CACNA1B: variants seen among roughly 807,000 people sequenced by gnomAD.
The protein encoded by CACNA1B is calcium voltage-gated channel subunit alpha1 B, also known as voltage-dependent N-type calcium channel subunit alpha-1B.
A neutral mutation model predicts 247.2 loss-of-function variants in CACNA1B; 70 were observed. The observed-to-expected ratio is 0.28, with a 90% CI of 0.23 to 0.35. The LOEUF (loss-of-function observed/expected upper bound fraction) is 0.35, where lower values mean the gene tolerates loss of function less well. Ranked by LOEUF, CACNA1B falls within the 10% of genes least tolerant of loss-of-function variation. The pLI is 1.00. For missense variants in CACNA1B, 2,367 were observed against 3,197.4 expected (o/e 0.74, Z 6.26); for synonymous variants, 1,231 against 1,294.4 (o/e 0.95, Z 1.05).
intron 6 of CACNA1B, among the ~76,000 whole-genome samples, chr9:137,942,728 G>C (rs1429035827): frequency 2.0e-5 from 3 of 152,192 alleles, no homozygotes; most frequent in East Asian, 1.9e-4. Flanking sequence ...ATGGAAAACC[G>C]AACGTCGTAT....
intron 3 of CACNA1B, among the ~76,000 whole-genome samples, chr9:137,910,028 C>G (rs1957343243): frequency 6.6e-6 from 1 of 152,144 alleles, no homozygotes; most frequent in South Asian, 2.1e-4. Flanking sequence ...GCTTCGGCCT[C>G]CCAAAGTGTT....
At chr9:137,960,760 G>A (rs1226760958) in intron 10 of CACNA1B, among the ~76,000 whole-genome samples, 3 of 152,042 alleles carry the variant, frequency 2.0e-5, no homozygotes, top group Non-Finnish European at 2.9e-5. Flanking sequence ...ACCCCAGGCC[G>A]CCCTGGTGGT....
intron 20 of CACNA1B, among the ~76,000 whole-genome samples, chr9:138,036,675 G>A (rs1959051244): frequency 6.6e-6 from 1 of 152,164 alleles, no homozygotes. Context: ...CTTCTCTCTG[G>A]GGCTGCTTAA....
intron 37 of CACNA1B, among the ~76,000 whole-genome samples, chr9:138,098,095 TAC>T (rs1156559021): frequency 1.3e-5 from 2 of 152,220 alleles, no homozygotes; most frequent in Non-Finnish European, 2.9e-5. Context: ...GTCGGAAATA[TAC>T]AGTTTTTACG....
intron 31 of CACNA1B, among the ~76,000 whole-genome samples, chr9:138,069,002 G>A (rs1960029612): frequency 6.6e-6 from 1 of 152,220 alleles, no homozygotes; most frequent in Non-Finnish European, 1.5e-5. Flanking sequence ...CTCCTTGGCA[G>A]CCCCTGCCAA....
intron 15 of CACNA1B, among the ~76,000 whole-genome samples, chr9:138,002,792 TTTTTCTTTTC>T (rs923495550): frequency 3.4e-5 from 5 of 147,930 alleles, no homozygotes; most frequent in Non-Finnish European, 6.0e-5. Context: ...TTTCTTTTCT[TTTTTCTTTTC>T]TTTTCTTTTC....
rs530514938 is a variant in CACNA1B at position 137,914,374 on chromosome 9, C to G, written c.623-280C>G. On this transcript the variant is annotated intron_variant, in intron 4 of 46. Transcript: ENST00000371372. The surrounding 1 kb of genome is among the most constrained non-coding windows in gnomAD (Gnocchi z 4.3). ...ACCCCAGACTTCATACCCTGACACC[C>G]CCACATCCCACTCCTCTGCCTACTT... 1.3e-5 allele frequency among the ~76,000 whole-genome samples: 2 copies of G among 152,142 alleles called. No individual in the cohort carries two copies. Among genetic ancestry groups the G allele is most frequent in the African/African-American group, 4.8e-5 (2 of 41,430 alleles).
rs757342108 is a variant in CACNA1B at position 138,006,932 on chromosome 9, C to T, written c.2092+48C>T. 7.1e-6 allele frequency: 7 copies of T among 980,026 alleles called. No homozygotes were observed. The South Asian group carries it at 9.4e-5, about 13-fold the overall frequency. 60.7% of individuals were successfully genotyped at this position (980,026 alleles called of 1,614,324 possible). A position where few individuals can be genotyped will look rare whatever the true frequency, so the allele number is the denominator to read the frequency against. ...CAGAGGGTGGTCAGTGCTTGGCCCT[C>T]CTCTTCTCCATGGCCACCACGCGGA... On this transcript the variant is annotated intron_variant, in intron 16 of 46. Transcript: ENST00000371372.
chr9:138,092,352 C>T (rs1960907011), intron 36 of CACNA1B, among the ~76,000 whole-genome samples: 1 of 152,212 alleles, frequency 6.6e-6, no homozygotes, highest in East Asian at 1.9e-4. Flanking sequence ...CCTGGGAATG[C>T]ATTCCTTTCC....
At chr9:138,060,353 G>A (rs1035673503) in intron 31 of CACNA1B, among the ~76,000 whole-genome samples, 5 of 152,160 alleles carry the variant, frequency 3.3e-5, no homozygotes, top group African/African-American at 4.8e-5. Context: ...ACGCAGACAC[G>A]AGCACTCATG....
rs545222735 is a variant in CACNA1B, at chr9:138,102,463, G to A, written c.5223-248G>A. Among the ~76,000 whole-genome samples, 4 of 152,142 alleles carry A rather than the reference G, an allele frequency of 2.6e-5. No individual in the cohort carries two copies. Among genetic ancestry groups the A allele is most frequent in the Admixed American group, 1.3e-4 (2 of 15,286 alleles). ...ACGCCACCCCCGCCCACTGCCCCGC[G>A]TGGGGCTGGAGTGAGGAGGTGAGGC... On this transcript the variant is annotated intron_variant, in intron 37 of 46. Coordinates refer to ENST00000371372, the MANE Select transcript of CACNA1B (RefSeq NM_000718.4). This position sits in a 1 kb window ranked among gnomAD's most constrained non-coding sequence, Gnocchi z 5.4.
At position 138,015,958 on chromosome 9, in the gene CACNA1B, GCA is replaced by G. The variant is rs1213594539; in HGVS notation, c.2267+2732_2267+2733del. On this transcript the variant is annotated intron_variant, in intron 18 of 46. Transcript: ENST00000371372. ...CATACTCACAAATACATATAGGCAA[GCA>G]CACACACAGGCACACAGACTCACAT... 3.3e-5 allele frequency among the ~76,000 whole-genome samples: 5 copies of G among 151,800 alleles called. No homozygotes were observed. The East Asian group carries it at 9.7e-4, about 29-fold the overall frequency.
intron 36 of CACNA1B, among the ~76,000 whole-genome samples, chr9:138,080,228 G>A (rs559534572): frequency 2.0e-5 from 3 of 152,340 alleles, no homozygotes; most frequent in South Asian, 2.1e-4. Context: ...TAAGAGTGTG[G>A]TTATTGTGCT....
intron 15 of CACNA1B, among the ~76,000 whole-genome samples, chr9:138,004,396 A>C (rs1958620654): frequency 1.3e-5 from 2 of 151,822 alleles, no homozygotes. Context: ...AAAAAATACA[A>C]AAAATTAGCT....
At position 137,976,010 on chromosome 9, in the gene CACNA1B, C is replaced by G; in HGVS notation, c.1647C>G (p.Phe549Leu). 6.2e-7 allele frequency: 1 copy of G among 1,604,526 alleles called. No individual in the cohort carries two copies. The highest frequency in any genetic ancestry group is 8.5e-7 in the Non-Finnish European group (1 of 1,171,382). The change falls in exon 12 of 47, where the codon TTC (phenylalanine) becomes TTG (leucine). Residue 549 changes from phenylalanine to leucine, a missense_variant. Physicochemically the swap from Phe to Leu is conservative, Grantham distance 22. This residue lies in a region of CACNA1B where 219 missense variants were observed against 297.6 expected (regional missense o/e 0.74). Transcript: ENST00000371372. ...ACTTCCGGTCCTCCTTCAACTGCTTCGACTTTGGGGTGAGTGAGAGGCCTG... is the reference window on the plus strand; with the variant it reads ...ACTTCCGGTCCTCCTTCAACTGCTTGGACTTTGGGGTGAGTGAGAGGCCTG... The part of the protein sequence containing the change: ...RSYFRSSFNC[F>L]DFGVIVGSVF...
At chr9:138,060,121 GTCTCTCTATC>G (rs1203345682) in intron 31 of CACNA1B, among the ~76,000 whole-genome samples, 1 of 151,994 alleles carries the variant, frequency 6.6e-6, no homozygotes, top group Non-Finnish European at 1.5e-5. Flanking sequence ...GCCCCCCACC[GTCTCTCTATC>G]TCTCTCTATA....
chr9:138,101,832 T>C (rs888300307), intron 37 of CACNA1B, among the ~76,000 whole-genome samples: 1 of 152,234 alleles, frequency 6.6e-6, no homozygotes, highest in African/African-American at 2.4e-5. Context: ...TGAATCTGGC[T>C]GTGTCTCTAG....
At position 137,986,796 on chromosome 9, in the gene CACNA1B, A is replaced by G. The variant is rs1361623096; in HGVS notation, c.1916A>G (p.Asp639Gly). Reference protein sequence around the residue: ...QLFGGQFNFQDETPTTNFDTF... With the variant: ...QLFGGQFNFQGETPTTNFDTF... ...GTTTTCCTCAGGTTCAACTTCCAGG[A>G]TGAGACTCCCACAACCAACTTCGAC... Residue 639 changes from aspartate to glycine, a missense_variant, in exon 15 of 47, where the codon GAT becomes GGT. By Grantham distance (94) the Asp-to-Gly change is moderately conservative (BLOSUM62 -1). This residue lies in a region of CACNA1B where 76 missense variants were observed against 191.0 expected (regional missense o/e 0.40). Transcript: ENST00000371372. This position sits in a 1 kb window ranked among gnomAD's most constrained non-coding sequence, Gnocchi z 6.0. The G allele has an allele frequency of 2.5e-6, 4 of 1,613,624 alleles. No homozygotes were observed. The highest frequency in any genetic ancestry group is 1.3e-5 in the African/African-American group (1 of 74,928).
chr9:137,937,238 A>G (rs1481972943), intron 6 of CACNA1B, among the ~76,000 whole-genome samples: 1 of 152,142 alleles, frequency 6.6e-6, no homozygotes, highest in Non-Finnish European at 1.5e-5. Context: ...GCATAAATAA[A>G]AAACAATAAA....
Sources: gnomAD v4.1 joint callset for allele counts (sites outside exome capture counted in the v4.1 genomes callset) on GRCh38, gnomAD v4.1.1 for gene constraint, gnomAD v4.1.1 regional missense constraint, Gnocchi (gnomAD v3.1) non-coding constraint, MANE v1.5 for transcripts, NCBI Gene and HGNC (gene_info 2026-07-23, HGNC 2026-07-21) for gene names.